Variants in EFCC1 observed in about 807,000 individuals in gnomAD.
The protein encoded by EFCC1 is EF-hand and coiled-coil domain-containing protein 1.
Under a neutral mutation model 52.1 loss-of-function variants are expected in EFCC1, and 50 were observed. The observed-to-expected ratio is 0.96, with a 90% CI of 0.76 to 1.21. The LOEUF (loss-of-function observed/expected upper bound fraction) is 1.21, where lower values mean the gene tolerates loss of function less well. Ranked by LOEUF, EFCC1 falls within the 50% of genes most tolerant of loss-of-function variation. The pLI is 0.00. For synonymous variants in EFCC1, 399 were observed against 396.5 expected (o/e 1.01, Z -0.08); for missense variants, 837 against 867.3 (o/e 0.97, Z 0.44).
intron 2 of EFCC1, among the ~76,000 whole-genome samples, chr3:129,011,763 G>A (rs899646892): frequency 2.6e-5 from 4 of 152,220 alleles, no homozygotes; most frequent in Admixed American, 6.5e-5. Context: ...TGCACTTCTC[G>A]GAGGACAGAG....
rs763036432 is a variant in EFCC1, at chr3:129,002,166, C to T, written c.538C>T (p.Arg180Cys). The change falls in exon 1 of 8, where the codon CGC becomes TGC. Residue 180 changes from arginine to cysteine, a missense_variant. Coordinates refer to ENST00000683648, the MANE Select transcript of EFCC1 (RefSeq NM_001377500.1). ...IETQIRLRRP[R>C]RRRRPPCAPG... ...GACGCAGATCCGCCTGCGCCGTCCG[C>T]GCCGCCGCCGCCGCCCGCCCTGCGC... 5 of 1,461,402 alleles carry T rather than the reference C, an allele frequency of 3.4e-6. No individual in the cohort carries two copies. Among genetic ancestry groups the T allele is most frequent in the Non-Finnish European group, 4.5e-6 (5 of 1,117,678 alleles). The allele number at this position is 1,461,402 out of a possible 1,614,324, so 90.5% of individuals were successfully genotyped here.
intron 4 of EFCC1, among the ~76,000 whole-genome samples, chr3:129,033,194 C>T (rs1398453125): frequency 6.6e-6 from 1 of 152,306 alleles, no homozygotes; most frequent in East Asian, 1.9e-4. Flanking sequence ...AATTCCCATT[C>T]GTGCTTTCTC....
At chr3:129,038,730 C>T in intron 6 of EFCC1, 101 bp from the exon 7 acceptor site, 3 of 1,167,558 alleles carry the variant, frequency 2.6e-6, no homozygotes, top group Non-Finnish European at 2.6e-6. Flanking sequence ...TATCTGTCCC[C>T]AGGGAGCTGC....
chr3:129,003,798 G>A lies in EFCC1; in HGVS notation c.701G>A (p.Gly234Glu). 18 of 1,456,340 alleles carry A rather than the reference G, an allele frequency of 1.2e-5. No homozygotes were observed. The highest frequency in any genetic ancestry group is 1.6e-5 in the Non-Finnish European group (18 of 1,109,622). The allele number at this position is 1,456,340 out of a possible 1,614,324, so 90.2% of individuals were successfully genotyped here. ...SDARCLALQVGLWKSQASTHE... is the reference protein window; with the variant it reads ...SDARCLALQVELWKSQASTHE... ...CCTGCTGCCCTGTCCCCGCAGGTCG[G>A]ACTCTGGAAGAGCCAGGCGAGCACC... The change falls in exon 2 of 8, where the codon GGA becomes GAA. Residue 234 changes from glycine to glutamate, a missense_variant. Gly to Glu is a moderately conservative substitution (Grantham distance 98). Transcript: ENST00000683648.
chr3:129,010,120 C>T lies in EFCC1; in HGVS notation c.980+6043C>T, dbSNP rs950417417. On this transcript the variant is annotated intron_variant, in intron 2 of 7. Coordinates refer to ENST00000683648, the MANE Select transcript of EFCC1 (RefSeq NM_001377500.1). The surrounding 1 kb of genome is among the most constrained non-coding windows in gnomAD (Gnocchi z 4.3). Reference sequence around the variant, plus strand: ...CTCAAAACTGGAAGAAAGGGCGTAACGCCTGGGACTTCAGCACAAGGAGAC... The same window carrying T: ...CTCAAAACTGGAAGAAAGGGCGTAATGCCTGGGACTTCAGCACAAGGAGAC... Among the ~76,000 whole-genome samples, 2 of 152,240 alleles carry T rather than the reference C, an allele frequency of 1.3e-5. No individual in the cohort carries two copies. The highest frequency in any genetic ancestry group is 2.1e-4 in the South Asian group (1 of 4,836).
intron 2 of EFCC1, among the ~76,000 whole-genome samples, chr3:129,011,550 C>CAAAA (rs1201411639): frequency 1.5e-4 from 14 of 93,530 alleles, no homozygotes; most frequent in Admixed American, 7.1e-4. Flanking sequence ...GACTCCGTCT[C>CAAAA]AAAAAAAAAA....
chr3:129,015,266 C>T (rs142146087), intron 2 of EFCC1, among the ~76,000 whole-genome samples: 1 of 152,152 alleles, frequency 6.6e-6, no homozygotes, highest in Non-Finnish European at 1.5e-5. Context: ...CTACTCCTGA[C>T]CAATCCACAT....
chr3:129,003,815 G>A lies in EFCC1; in HGVS notation c.718G>A (p.Ala240Thr), dbSNP rs1386868572. 2 of 1,465,836 alleles carry A rather than the reference G, an allele frequency of 1.4e-6. No homozygotes were observed. Among genetic ancestry groups the A allele is most frequent in the Non-Finnish European group, 1.8e-6 (2 of 1,113,718 alleles). 90.8% of individuals were successfully genotyped at this position (1,465,836 alleles called of 1,614,324 possible). Residue 240 changes from alanine (A) to threonine (T), a missense_variant, in exon 2 of 8, where the codon GCG becomes ACG. Ala to Thr is a moderately conservative substitution (Grantham distance 58). Coordinates refer to ENST00000683648, the MANE Select transcript of EFCC1 (RefSeq NM_001377500.1). Reference sequence around the variant, plus strand: ...GCAGGTCGGACTCTGGAAGAGCCAGGCGAGCACCCACGAGATGGGGCACGG... The same window carrying A: ...GCAGGTCGGACTCTGGAAGAGCCAGACGAGCACCCACGAGATGGGGCACGG... ...ALQVGLWKSQ[A>T]STHEMGHGGP...
intron 1 of EFCC1, 61 bp from the exon 2 acceptor site, chr3:129,003,733 G>C: frequency 7.8e-7 from 1 of 1,288,324 alleles, no homozygotes. Context: ...CGTGGCGGGC[G>C]TTCGTCTGGT....
chr3:129,006,798 C>T (rs1269500187), intron 2 of EFCC1, among the ~76,000 whole-genome samples: 1 of 152,160 alleles, frequency 6.6e-6, no homozygotes, highest in African/African-American at 2.4e-5. Context: ...ATGCCTTCAA[C>T]CCTACCTTGC....
chr3:129,033,357 C>A (rs1270544169), intron 4 of EFCC1, among the ~76,000 whole-genome samples: 5 of 152,152 alleles, frequency 3.3e-5, no homozygotes, highest in African/African-American at 1.2e-4. Flanking sequence ...ATCCTCACCT[C>A]CACCCCCATG....
At chr3:129,021,099 AGG>A (rs2107911795) in intron 2 of EFCC1, among the ~76,000 whole-genome samples, 1 of 152,196 alleles carries the variant, frequency 6.6e-6, no homozygotes, top group South Asian at 2.1e-4. Context: ...CTGACACATG[AGG>A]GGCCCTGCCA....
intron 2 of EFCC1, among the ~76,000 whole-genome samples, chr3:129,016,292 C>T (rs1407744132): frequency 6.6e-6 from 1 of 152,092 alleles, no homozygotes; most frequent in Non-Finnish European, 1.5e-5. Context: ...GGGTGGGCTT[C>T]AAGAGCCAAA....
rs371214513 is a variant in EFCC1, at chr3:129,037,084, C to A, written c.1560C>A (p.Asp520Glu). ...CCCTGCTGGAGGAGAAGCTGGTGGA[C>A]GTGCTGCAGCTCCTGCAGAGGCTCC... ...RLSLLEEKLV[D>E]VLQLLQRLRD... The change falls in exon 6 of 8, where the codon GAC becomes GAA. Residue 520 changes from aspartate to glutamate, a missense_variant. Asp to Glu is a conservative substitution (Grantham distance 45). Transcript: ENST00000683648. 6.2e-7 allele frequency: 1 copy of A among 1,611,662 alleles called. No individual in the cohort carries two copies. The highest frequency in any genetic ancestry group is 8.5e-7 in the Non-Finnish European group (1 of 1,179,282).
chr3:129,030,861 G>C lies in EFCC1; in HGVS notation c.1138+1G>C. 1 of 1,549,588 alleles carries C rather than the reference G, an allele frequency of 6.5e-7. No individual in the cohort carries two copies. Among genetic ancestry groups the C allele is most frequent in the Non-Finnish European group, 8.7e-7 (1 of 1,145,784 alleles). On this transcript the variant is annotated splice_donor_variant, in intron 3 of 7. Transcript: ENST00000683648. LOFTEE classifies it high-confidence loss of function. ...TCTGGAAGCAGAGCCCTGGATGAAGGTTTGTCCCCTGTGCGCCCAGTCTTC... is the reference window on the plus strand; with the variant it reads ...TCTGGAAGCAGAGCCCTGGATGAAGCTTTGTCCCCTGTGCGCCCAGTCTTC...
chr3:129,029,567 GTTGTTTT>G (rs1198313676), intron 2 of EFCC1, among the ~76,000 whole-genome samples: 3 of 134,588 alleles, frequency 2.2e-5, no homozygotes, highest in East Asian at 2.0e-4. Flanking sequence ...GTGAGATTCT[GTTGTTTT>G]TTGTTTTTTG....
chr3:129,022,536 A>AGATGTGG (rs1390794661), intron 2 of EFCC1, among the ~76,000 whole-genome samples: 1 of 152,214 alleles, frequency 6.6e-6, no homozygotes, highest in Non-Finnish European at 1.5e-5. Flanking sequence ...AGATGTGGCC[A>AGATGTGG]TCAGCCTCCA....
chr3:129,011,741 C>T (rs958270149), intron 2 of EFCC1, among the ~76,000 whole-genome samples: 1 of 151,936 alleles, frequency 6.6e-6, no homozygotes, highest in African/African-American at 2.4e-5. Flanking sequence ...CATTCAAATA[C>T]ATGCCCCCAG....
chr3:129,002,686 T>C (rs910658756), intron 1 of EFCC1: 5 of 262,358 alleles, frequency 1.9e-5, no homozygotes, highest in Non-Finnish European at 2.9e-5. Context: ...TTCTCTCTCC[T>C]TCCTGCCAGG....
Sources: allele counts gnomAD v4.1 joint callset (sites outside exome capture counted in the v4.1 genomes callset), GRCh38; gene constraint gnomAD v4.1.1; non-coding constraint Gnocchi (gnomAD v3.1); transcripts MANE v1.5; gene names NCBI Gene and HGNC (gene_info 2026-07-23, HGNC 2026-07-21).